Variants in PRKG1 observed in about 807,000 individuals in gnomAD.
PRKG1 encodes protein kinase cGMP-dependent 1, also known as cGMP-dependent protein kinase 1.
PRKG1 carries 35 observed loss-of-function variants against 88.1 expected under a neutral mutation model. The observed-to-expected ratio is 0.40, with a 90% confidence interval of 0.30 to 0.53. The LOEUF is 0.53. PRKG1 is among the 20% of genes least tolerant of loss of function. The pLI is 0.59. For missense variants in PRKG1, 540 were observed against 839.8 expected (o/e 0.64, Z 4.41); for synonymous variants, 303 against 292.5 (o/e 1.04, Z -0.37).
chr10:52,227,878 C>T (rs1840428804), intron 9 of PRKG1, among the ~76,000 whole-genome samples: 1 of 152,098 alleles, frequency 6.6e-6, no homozygotes, highest in Non-Finnish European at 1.5e-5. Flanking sequence ...CGTGAGAAAT[C>T]ATTTTGTAAG....
intron 3 of PRKG1, among the ~76,000 whole-genome samples, chr10:51,548,605 A>G (rs893559365): frequency 2.6e-5 from 4 of 152,100 alleles, no homozygotes; most frequent in African/African-American, 4.8e-5. Context: ...ACACTCTACT[A>G]TGTGCCTGAG....
intron 1 of PRKG1, among the ~76,000 whole-genome samples, chr10:51,120,163 G>C (rs183879741): frequency 5.1e-4 from 77 of 152,236 alleles, no homozygotes; most frequent in Admixed American, 1.0e-3. Context: ...TTGCTGTCTA[G>C]AATTTAGAAG....
chr10:51,414,803 C>T (rs293240), intron 2 of PRKG1, among the ~76,000 whole-genome samples: 127,400 of 152,166 alleles, frequency 0.84, 53,880 homozygotes, highest in African/African-American at 0.91. Context: ...ACACTCACAC[C>T]ACATAATTCT....
At chr10:52,085,283 G>A (rs938949333) in intron 7 of PRKG1, among the ~76,000 whole-genome samples, 7 of 137,578 alleles carry the variant, frequency 5.1e-5, no homozygotes, top group African/African-American at 1.9e-4. Flanking sequence ...CTTTGATTTA[G>A]CATCCATTGA....
At chr10:52,052,492 G>A (rs1030405815) in intron 5 of PRKG1, among the ~76,000 whole-genome samples, 1 of 151,940 alleles carries the variant, frequency 6.6e-6, no homozygotes, top group Non-Finnish European at 1.5e-5. Flanking sequence ...CCAGCTACTT[G>A]GGAGGCTGTA....
intron 3 of PRKG1, among the ~76,000 whole-genome samples, chr10:51,607,599 A>C (rs974722118): frequency 6.6e-6 from 1 of 152,186 alleles, no homozygotes; most frequent in Non-Finnish European, 1.5e-5. Flanking sequence ...TATCTGGTAA[A>C]TAATACTCAC....
At chr10:51,843,557 G>A (rs868185748) in intron 4 of PRKG1, among the ~76,000 whole-genome samples, 6 of 152,160 alleles carry the variant, frequency 3.9e-5, no homozygotes, top group African/African-American at 7.2e-5. Context: ...CAGCAACCAC[G>A]TTCTTCGTTT....
At chr10:51,419,781 C>T (rs1838356766) in intron 2 of PRKG1, among the ~76,000 whole-genome samples, 1 of 150,860 alleles carries the variant, frequency 6.6e-6, no homozygotes, top group Non-Finnish European at 1.5e-5. Flanking sequence ...TAATCGAGTT[C>T]TTGTTCAGAG....
At chr10:52,043,142 A>T (rs1845787668) in intron 5 of PRKG1, among the ~76,000 whole-genome samples, 1 of 152,110 alleles carries the variant, frequency 6.6e-6, no homozygotes, top group African/African-American at 2.4e-5. Context: ...TAGTACATTT[A>T]TATGGAAAAC....
intron 3 of PRKG1, among the ~76,000 whole-genome samples, chr10:51,515,304 G>A (rs1247591058): frequency 6.6e-6 from 1 of 152,106 alleles, no homozygotes; most frequent in Non-Finnish European, 1.5e-5. Context: ...ATTACTAATA[G>A]ACCTAAATTA....
intron 3 of PRKG1, among the ~76,000 whole-genome samples, chr10:51,581,198 G>C (rs1838025403): frequency 1.3e-5 from 2 of 152,138 alleles, no homozygotes; most frequent in African/African-American, 4.8e-5. Context: ...AGTATACAGA[G>C]ATAAGAATTT....
chr10:51,190,333 G>A (rs1837600455), intron 2 of PRKG1, among the ~76,000 whole-genome samples: 1 of 151,904 alleles, frequency 6.6e-6, no homozygotes, highest in Non-Finnish European at 1.5e-5. Flanking sequence ...GTCTATAATT[G>A]AGCAAACTGA....
chr10:52,141,144 T>C (rs1032800725), intron 8 of PRKG1, among the ~76,000 whole-genome samples: 2 of 152,132 alleles, frequency 1.3e-5, no homozygotes, highest in Non-Finnish European at 2.9e-5. Flanking sequence ...TATTGACTGG[T>C]GTGCTTCTCA....
chr10:52,053,813 A>G (rs759998656), intron 5 of PRKG1, among the ~76,000 whole-genome samples: 50 of 152,180 alleles, frequency 3.3e-4, no homozygotes, highest in Admixed American at 5.9e-4. Context: ...AAATTAAGAT[A>G]TTCCATTTCA....
At chr10:51,314,580 A>C (rs1346963019) in intron 2 of PRKG1, among the ~76,000 whole-genome samples, 2 of 152,232 alleles carry the variant, frequency 1.3e-5, no homozygotes, top group Admixed American at 1.3e-4. Flanking sequence ...TTTCAGTTAC[A>C]ATATTCAACT....
At chr10:51,778,999 C>T (rs892617867) in intron 3 of PRKG1, among the ~76,000 whole-genome samples, 4 of 152,152 alleles carry the variant, frequency 2.6e-5, no homozygotes, top group South Asian at 2.1e-4. Context: ...AAGAGGTATT[C>T]GGGTTTTCTC....
At chr10:52,134,236 T>C (rs1837343429) in intron 8 of PRKG1, among the ~76,000 whole-genome samples, 2 of 152,160 alleles carry the variant, frequency 1.3e-5, no homozygotes, top group African/African-American at 4.8e-5. Context: ...ACTCAGGAGG[T>C]ACTCAACCAA....
At chr10:51,452,101 A>C (rs1163785242) in intron 2 of PRKG1, among the ~76,000 whole-genome samples, 1 of 151,906 alleles carries the variant, frequency 6.6e-6, no homozygotes, top group Non-Finnish European at 1.5e-5. Context: ...AGGTGTTCAA[A>C]TCAGTGTCTT....
rs568868362 is a variant in PRKG1, at chr10:52,276,745, T to C, written c.1404-4044T>C. Among the ~76,000 whole-genome samples the C allele has an allele frequency of 4.0e-4, 61 of 152,260 alleles. 2 individuals are homozygous for C. Among genetic ancestry groups the C allele is most frequent in the Middle Eastern group, 6.8e-3 (2 of 294 alleles). On this transcript the variant is annotated intron_variant, in intron 12 of 17. Coordinates refer to ENST00000373980, the MANE Select transcript of PRKG1 (RefSeq NM_006258.4). The stretch of plus-strand genomic sequence containing the variant: ...TATCTAAACTATTGATGAAACAGGG[T>C]TTCTTTTGTTTTAAATCAAATTTAC...
Sources: gnomAD v4.1 joint callset for allele counts (sites outside exome capture counted in the v4.1 genomes callset) on GRCh38, gnomAD v4.1.1 for gene constraint, MANE v1.5 for transcripts, NCBI Gene and HGNC (gene_info 2026-07-23, HGNC 2026-07-21) for gene names.